Variants in ZNF26 observed in about 807,000 individuals in gnomAD.
ZNF26 encodes the protein epididymis luminal protein 179.
In ZNF26, 32 loss-of-function variants were observed where a neutral mutation model predicts 54.9. That is an observed-to-expected ratio of 0.58 (90% CI 0.44 to 0.78). The LOEUF (loss-of-function observed/expected upper bound fraction) is 0.78. ZNF26 is among the 30% of genes least tolerant of loss of function. The pLI is 0.00. For synonymous variants in ZNF26, 221 were observed against 209.2 expected (o/e 1.06, Z -0.49); for missense variants, 524 against 634.0 (o/e 0.83, Z 1.86).
intron 1 of ZNF26, among the ~76,000 whole-genome samples, chr12:132,990,899 C>T (rs1056214770): frequency 6.6e-4 from 101 of 152,070 alleles, no homozygotes; most frequent in Admixed American, 2.8e-3. Context: ...CACTCTGTCA[C>T]CCAGGCTGGA....
chr12:133,013,556 A>G lies in ZNF26; in HGVS notation c.*2075A>G, dbSNP rs11837907. 4,583 of 156,540 alleles carry G rather than the reference A, an allele frequency of 0.029. 218 individuals are homozygous for G. Among genetic ancestry groups the G allele is most frequent in the African/African-American group, 0.1 (4,303 of 41,514 alleles). 9.7% of individuals were successfully genotyped at this position (156,540 alleles called of 1,614,324 possible). On this transcript the variant is annotated 3_prime_UTR_variant, in exon 4 of 4. Transcript: ENST00000328654. ...AAGAACCTGAGGCCTCAGCCTAGCA[A>G]ACTCTTCTGATAGACTTTGAATAGG...
rs1278860424 is a variant in ZNF26 at position 133,026,432 on chromosome 12, A to G, written c.*14951A>G. 6.6e-6 allele frequency: 1 copy of G among 151,786 alleles called. No homozygotes were observed. The highest frequency in any genetic ancestry group is 2.4e-5 in the African/African-American group (1 of 41,272). The allele number at this position is 151,786 out of a possible 1,614,324, so 9.4% of individuals were successfully genotyped here. ...TCTTTTTTTAGGTAATCAAGTTAAA[A>G]TAATAAGTCACTAAATTTTGAGGTG... On this transcript the variant is annotated 3_prime_UTR_variant, in exon 4 of 4. Transcript: ENST00000328654.
Position 133,022,827 on chromosome 12 carries a change from T to C in ZNF26, c.*11346T>C, listed in dbSNP as rs1953660755. On this transcript the variant is annotated 3_prime_UTR_variant, in exon 4 of 4. Coordinates refer to ENST00000328654, the MANE Select transcript of ZNF26 (RefSeq NM_019591.4). The stretch of plus-strand genomic sequence containing the variant: ...GTGATAAATGTTATTCCCCAAATAC[T>C]GTATGTAGTATAACATCTTTGTTAA... 1 of 152,202 alleles carries C rather than the reference T, an allele frequency of 6.6e-6. No homozygotes were observed. The highest frequency in any genetic ancestry group is 6.5e-5 in the Admixed American group (1 of 15,276). 9.4% of individuals were successfully genotyped at this position (152,202 alleles called of 1,614,324 possible).
At chr12:132,995,988 T>C (rs1398075634) in intron 1 of ZNF26, among the ~76,000 whole-genome samples, 1 of 152,166 alleles carries the variant, frequency 6.6e-6, no homozygotes, top group Non-Finnish European at 1.5e-5. Context: ...TTTCCCCTTT[T>C]CTCTGTCATG....
At position 133,017,281 on chromosome 12, in the gene ZNF26, G is replaced by A. The variant is rs1369315544; in HGVS notation, c.*5800G>A. The A allele has an allele frequency of 6.6e-6, 1 of 152,198 alleles. No individual in the cohort carries two copies. Among genetic ancestry groups the A allele is most frequent in the Non-Finnish European group, 1.5e-5 (1 of 68,040 alleles). 9.4% of individuals were successfully genotyped at this position (152,198 alleles called of 1,614,324 possible). On this transcript the variant is annotated 3_prime_UTR_variant, in exon 4 of 4. Transcript: ENST00000328654. ...AGACAAGGAGACCCACTTTACCACA[G>A]ATAAGGTTCAGTGGTGGTCCCATGA...
chr12:133,010,152 G>A lies in ZNF26; in HGVS notation c.273G>A (p.Trp91Ter). The change falls in exon 4 of 4, where the codon TGG becomes TGA. Residue 91 changes from tryptophan to a stop codon, truncating the protein, a stop_gained. Transcript: ENST00000328654. LOFTEE classifies it high-confidence loss of function. ...RQSCPDGWEEWYQNNQDELES... is the reference protein window; with the variant it reads ...RQSCPDGWEE ...TTTTTGTAGATGGCTGGGAAGAATGGTACCAGAACAATCAAGATGAGCTTG... is the reference window on the plus strand; with the variant it reads ...TTTTTGTAGATGGCTGGGAAGAATGATACCAGAACAATCAAGATGAGCTTG... 6.3e-7 allele frequency: 1 copy of A among 1,593,658 alleles called. No homozygotes were observed. Among genetic ancestry groups the A allele is most frequent in the South Asian group, 1.2e-5 (1 of 86,576 alleles).
At chr12:132,989,028 ATT>A (rs150395603) in intron 1 of ZNF26, among the ~76,000 whole-genome samples, 29 of 78,848 alleles carry the variant, frequency 3.7e-4, no homozygotes, top group African/African-American at 1.3e-3. Flanking sequence ...CTTTCGGTGA[ATT>A]TTTTTTTTTT....
intron 1 of ZNF26, among the ~76,000 whole-genome samples, chr12:132,988,409 ATT>A (rs878891399): frequency 6.8e-6 from 1 of 147,522 alleles, no homozygotes; most frequent in Non-Finnish European, 1.5e-5. Context: ...CTAATTAAAA[ATT>A]TTTTTTTTTT....
At chr12:133,004,012 C>G (rs1953274073) in intron 1 of ZNF26, among the ~76,000 whole-genome samples, 1 of 152,112 alleles carries the variant, frequency 6.6e-6, no homozygotes, top group Admixed American at 6.5e-5. Flanking sequence ...TACCTGATAT[C>G]TTTCTTCATT....
rs1266991521 is a variant in ZNF26, at chr12:133,012,571, T to C, written c.*1090T>C. The C allele has an allele frequency of 2.8e-5, 4 of 144,644 alleles. No individual in the cohort carries two copies. Among genetic ancestry groups the C allele is most frequent in the Non-Finnish European group, 6.1e-5 (4 of 66,006 alleles). The allele number at this position is 144,644 out of a possible 1,614,324, so 9.0% of individuals were successfully genotyped here. A position where few individuals can be genotyped will look rare whatever the true frequency, so the allele number is the denominator to read the frequency against. Reference sequence around the variant, plus strand: ...AATAAAAATGTCTTTTGCTTTTTGTTGTTTGGGTTTTTTTTTTTTTTTTTT... The same window carrying C: ...AATAAAAATGTCTTTTGCTTTTTGTCGTTTGGGTTTTTTTTTTTTTTTTTT... On this transcript the variant is annotated 3_prime_UTR_variant, in exon 4 of 4. Transcript: ENST00000328654.
rs1953616814 is a variant in ZNF26, at chr12:133,019,907, C to G, written c.*8426C>G. ...GGTCAAGAGTTCAAGACCAGCTTCACCAGCCTGGTGAAACCCCGTCTCTAC... is the reference window on the plus strand; with the variant it reads ...GGTCAAGAGTTCAAGACCAGCTTCAGCAGCCTGGTGAAACCCCGTCTCTAC... On this transcript the variant is annotated 3_prime_UTR_variant, in exon 4 of 4. Coordinates refer to ENST00000328654, the MANE Select transcript of ZNF26 (RefSeq NM_019591.4). 1 of 152,208 alleles carries G rather than the reference C, an allele frequency of 6.6e-6. No homozygotes were observed. Among genetic ancestry groups the G allele is most frequent in the African/African-American group, 2.4e-5 (1 of 41,406 alleles). 9.4% of individuals were successfully genotyped at this position (152,208 alleles called of 1,614,324 possible).
chr12:133,014,114 C>T lies in ZNF26; in HGVS notation c.*2633C>T, dbSNP rs1351315013. ...TTTTTACCAGTTTGGTAACAATAAT[C>T]TACACTAAACATGCCCTGGGATGGG... On this transcript the variant is annotated 3_prime_UTR_variant, in exon 4 of 4. Coordinates refer to ENST00000328654, the MANE Select transcript of ZNF26 (RefSeq NM_019591.4). 1 of 152,178 alleles carries T rather than the reference C, an allele frequency of 6.6e-6. No individual in the cohort carries two copies. The highest frequency in any genetic ancestry group is 2.4e-5 in the African/African-American group (1 of 41,444). The allele number at this position is 152,178 out of a possible 1,614,324, so 9.4% of individuals were successfully genotyped here.
At chr12:133,008,792 A>AAG (rs1555285796) in intron 3 of ZNF26, among the ~76,000 whole-genome samples, 5 of 150,708 alleles carry the variant, frequency 3.3e-5, no homozygotes, top group Admixed American at 6.6e-5. Flanking sequence ...AAAAAAAAAA[A>AAG]AAAGAAAAAC....
Position 133,020,793 on chromosome 12 carries a change from A to G in ZNF26, c.*9312A>G, listed in dbSNP as rs1953629849. ...TCCTTCTGAGGGCTCTGAGGGAAGGATCTGTTCCAGGCCTCTCTCCTTGGC... is the reference window on the plus strand; with the variant it reads ...TCCTTCTGAGGGCTCTGAGGGAAGGGTCTGTTCCAGGCCTCTCTCCTTGGC... On this transcript the variant is annotated 3_prime_UTR_variant, in exon 4 of 4. Coordinates refer to ENST00000328654, the MANE Select transcript of ZNF26 (RefSeq NM_019591.4). 1 of 152,222 alleles carries G rather than the reference A, an allele frequency of 6.6e-6. No individual in the cohort carries two copies. The highest frequency in any genetic ancestry group is 1.5e-5 in the Non-Finnish European group (1 of 68,054). 9.4% of individuals were successfully genotyped at this position (152,222 alleles called of 1,614,324 possible).
chr12:133,000,401 G>A (rs773912110), intron 1 of ZNF26, among the ~76,000 whole-genome samples: 1,502 of 149,234 alleles, frequency 0.01, 19 homozygotes, highest in Middle Eastern at 0.017. Context: ...ACAGGCATGC[G>A]CCGCCATACC....
chr12:133,006,430 T>TA, intron 1 of ZNF26: 4 of 343,542 alleles, frequency 1.2e-5, no homozygotes, highest in Non-Finnish European at 1.6e-5. Flanking sequence ...TGGATGTTTT[T>TA]ACCAAGGACT....
At chr12:132,994,735 G>A (rs1305884907) in intron 1 of ZNF26, among the ~76,000 whole-genome samples, 1 of 152,152 alleles carries the variant, frequency 6.6e-6, no homozygotes, top group East Asian at 1.9e-4. Context: ...TAGATAACAC[G>A]ACTTTGAACC....
In ZNF26 at chr12:133,010,713, A is replaced by G. The variant is rs1490213179; in HGVS notation, c.834A>G (p.Arg278=). The G allele has an allele frequency of 6.2e-7, 1 of 1,613,614 alleles. No homozygotes were observed. Among genetic ancestry groups the G allele is most frequent in the Non-Finnish European group, 8.5e-7 (1 of 1,179,732 alleles). ...AATCACAGCTTCTTTTACACCAGAG[A>G]AGTCACACAGGAGTGAAACCGTATG... The part of the protein sequence containing the change: ...SWKSQLLLHQ[R]SHTGVKPYEC... The change falls in exon 4 of 4, where the codon AGA becomes AGG. Residue 278 remains arginine (R), a synonymous_variant. Transcript: ENST00000328654.
chr12:133,008,450 T>C (rs1392558686), intron 3 of ZNF26, among the ~76,000 whole-genome samples: 1 of 152,064 alleles, frequency 6.6e-6, no homozygotes, highest in African/African-American at 2.4e-5. Flanking sequence ...ACTCCAGACA[T>C]GTGTTAGGCC....
Sources: allele counts gnomAD v4.1 joint callset (sites outside exome capture counted in the v4.1 genomes callset), GRCh38; gene constraint gnomAD v4.1.1; transcripts MANE v1.5; gene names NCBI Gene and HGNC (gene_info 2026-07-23, HGNC 2026-07-21).